Variants in TNFSF4 observed in about 807,000 individuals in gnomAD.
TNFSF4 encodes tumor necrosis factor ligand superfamily member 4.
Under a neutral mutation model 7.3 loss-of-function variants are expected in TNFSF4, and 4 were observed. That is an observed-to-expected ratio of 0.55 (90% CI 0.27 to 1.25). The LOEUF is 1.25. Ranked by LOEUF, TNFSF4 falls within the 50% of genes most tolerant of loss-of-function variation. The probability of loss-of-function intolerance (pLI) is 0.12; values close to 1 mark genes in which losing one functional copy is unlikely to be tolerated. For missense variants in TNFSF4, 181 were observed against 208.8 expected (o/e 0.87, Z 0.82); for synonymous variants, 76 against 83.7 (o/e 0.91, Z 0.50).
At chr1:173,326,688 T>A in the TNFSF4 span, among the ~76,000 whole-genome samples, 2 of 152,114 alleles carry the variant, frequency 1.3e-5, no homozygotes. Context: ...ACAAAATCAA[T>A]GTGCAAAAAT....
the TNFSF4 span, among the ~76,000 whole-genome samples, chr1:173,353,625 T>C: frequency 1.3e-5 from 2 of 152,216 alleles, no homozygotes; most frequent in Non-Finnish European, 2.9e-5. Context: ...GAAAAATGTG[T>C]ATTGATACAG....
At chr1:173,376,729 G>A in the TNFSF4 span, among the ~76,000 whole-genome samples, 1 of 152,200 alleles carries the variant, frequency 6.6e-6, no homozygotes, top group Non-Finnish European at 1.5e-5. Flanking sequence ...ATAAAAGCTG[G>A]CCTCCTGAGC....
the TNFSF4 span, among the ~76,000 whole-genome samples, chr1:173,365,811 T>C: frequency 2.6e-5 from 4 of 152,222 alleles, no homozygotes; most frequent in Non-Finnish European, 4.4e-5. Context: ...GGGTATGATC[T>C]GCATGATGTT....
chr1:173,321,055 A>T, the TNFSF4 span, among the ~76,000 whole-genome samples: 165 of 152,354 alleles, frequency 1.1e-3, no homozygotes, highest in Middle Eastern at 6.8e-3. Flanking sequence ...AGCTGGAGGC[A>T]TCATGCTACC....
At chr1:173,261,401 C>T in the TNFSF4 span, among the ~76,000 whole-genome samples, 5 of 152,136 alleles carry the variant, frequency 3.3e-5, no homozygotes, top group African/African-American at 1.2e-4. Flanking sequence ...GACTTCCTAA[C>T]ATCACTTCTA....
the TNFSF4 span, among the ~76,000 whole-genome samples, chr1:173,395,031 GATA>G: frequency 1.6e-5 from 1 of 60,696 alleles, no homozygotes; most frequent in African/African-American, 6.2e-5. Context: ...TAGATAGATA[GATA>G]GATGATAGAT....
At chr1:173,385,819 G>C in the TNFSF4 span, among the ~76,000 whole-genome samples, 1 of 152,014 alleles carries the variant, frequency 6.6e-6, no homozygotes, top group Non-Finnish European at 1.5e-5. Context: ...TCCAGCCTGG[G>C]CAACAGAGCA....
At chr1:173,262,757 C>A in the TNFSF4 span, among the ~76,000 whole-genome samples, 34 of 152,066 alleles carry the variant, frequency 2.2e-4, no homozygotes, top group South Asian at 7.1e-3. Context: ...CGCCTGCCAC[C>A]GCGCCTGGCT....
the TNFSF4 span, among the ~76,000 whole-genome samples, chr1:173,350,987 C>T: frequency 4.5e-4 from 68 of 152,266 alleles, no homozygotes; most frequent in Non-Finnish European, 7.6e-4. Context: ...GAAAGAAAAT[C>T]CAGTTCTGTC....
chr1:173,256,771 A>T, the TNFSF4 span, among the ~76,000 whole-genome samples: 6 of 152,192 alleles, frequency 3.9e-5, no homozygotes, highest in South Asian at 1.2e-3. Flanking sequence ...TCCCCTATCT[A>T]TTGGGGAAGA....
At chr1:173,276,895 C>A in the TNFSF4 span, among the ~76,000 whole-genome samples, 1 of 152,140 alleles carries the variant, frequency 6.6e-6, no homozygotes, top group African/African-American at 2.4e-5. Flanking sequence ...CATATGATAT[C>A]TAACTAACAG....
the TNFSF4 span, among the ~76,000 whole-genome samples, chr1:173,316,927 T>A: frequency 1.1e-4 from 17 of 152,314 alleles, no homozygotes; most frequent in African/African-American, 3.4e-4. Flanking sequence ...CCATCTGGAA[T>A]AATGAAGATA....
chr1:173,236,154 C>T, the TNFSF4 span, among the ~76,000 whole-genome samples: 4 of 152,046 alleles, frequency 2.6e-5, no homozygotes, highest in Admixed American at 6.6e-5. Context: ...ACCATCCATC[C>T]CCAGCACCTA....
the TNFSF4 span, among the ~76,000 whole-genome samples, chr1:173,324,571 A>G: frequency 6.6e-6 from 1 of 152,356 alleles, no homozygotes; most frequent in African/African-American, 2.4e-5. Flanking sequence ...AGACTAGCAA[A>G]TTGAATAAAG....
At chr1:173,300,251 G>A in the TNFSF4 span, among the ~76,000 whole-genome samples, 1 of 151,724 alleles carries the variant, frequency 6.6e-6, no homozygotes, top group Admixed American at 6.6e-5. Context: ...GGAAGAGCAA[G>A]CAGCCCTAGA....
At chr1:173,264,317 CTTTTT>C in the TNFSF4 span, among the ~76,000 whole-genome samples, 3 of 110,536 alleles carry the variant, frequency 2.7e-5, no homozygotes, top group South Asian at 3.1e-4. Flanking sequence ...CTGGCTTCTT[CTTTTT>C]TTTTTTTTTT....
At chr1:173,321,616 T>A in the TNFSF4 span, among the ~76,000 whole-genome samples, 1 of 151,680 alleles carries the variant, frequency 6.6e-6, no homozygotes, top group East Asian at 1.9e-4. Context: ...TACAAAGAAC[T>A]TAAATTTACA....
At chr1:173,403,523 T>G in the TNFSF4 span, among the ~76,000 whole-genome samples, 1 of 152,026 alleles carries the variant, frequency 6.6e-6, no homozygotes, top group African/African-American at 2.4e-5. Flanking sequence ...CACTGACATT[T>G]TCTGACAGAT....
the TNFSF4 span, among the ~76,000 whole-genome samples, chr1:173,400,434 CA>C: frequency 6.6e-6 from 1 of 152,150 alleles, no homozygotes; most frequent in Non-Finnish European, 1.5e-5. Context: ...CCAGTTACAC[CA>C]GTAAAATGTT....
Sources: allele counts gnomAD v4.1 joint callset (sites outside exome capture counted in the v4.1 genomes callset), GRCh38; gene constraint gnomAD v4.1.1; transcripts MANE v1.5; gene names NCBI Gene and HGNC (gene_info 2026-07-23, HGNC 2026-07-21).